Variants in RRM2 observed in about 807,000 individuals in gnomAD.
RRM2 encodes ribonucleoside-diphosphate reductase subunit M2.
Under a neutral mutation model 45.9 loss-of-function variants are expected in RRM2, and 6 were observed. That is an observed-to-expected ratio of 0.13 (90% CI 0.07 to 0.26). RRM2 has a LOEUF of 0.26. RRM2 is among the 10% of genes least tolerant of loss of function. The pLI, the probability that RRM2 is intolerant of heterozygous loss-of-function variation, is 1.00. For synonymous variants in RRM2, 177 were observed against 173.0 expected, an observed-to-expected ratio of 1.02 and a Z score of -0.18; for missense variants, 343 against 489.5, an observed-to-expected ratio of 0.70 and a Z score of 2.82.
intron 3 of RRM2, among the ~76,000 whole-genome samples, chr2:10,198,335 G>A (rs1353593357): frequency 1.3e-5 from 2 of 151,918 alleles, no homozygotes; most frequent in African/African-American, 4.8e-5. Flanking sequence ...AATCCTGGGA[G>A]AAGCCCTAAG....
exon 4 of RRM2, chr2:10,210,602 C>G: frequency 7.3e-7 from 1 of 1,363,608 alleles, no homozygotes; most frequent in African/African-American, 1.5e-5. Flanking sequence ...CCATAGACAG[C>G]AGATCTGCTG....
At chr2:10,154,556 C>A (rs965726125) in intron 3 of RRM2, among the ~76,000 whole-genome samples, 1 of 150,568 alleles carries the variant, frequency 6.6e-6, no homozygotes, top group Non-Finnish European at 1.5e-5. Flanking sequence ...AATATCCTAA[C>A]AGTCACAAAG....
In RRM2 at chr2:10,204,242, G is replaced by A. The variant is rs765806422; in HGVS notation, n.483-6069G>A. On this transcript the variant is annotated intron_variant and non_coding_transcript_variant, in intron 3 of 3. Coordinates refer to the RRM2 transcript ENST00000381786. The surrounding 1 kb of genome is among the most constrained non-coding windows in gnomAD (Gnocchi z 4.0). ...CCCAACCTCCAGGGCAGACTGACCC[G>A]TGATGGGCATGGGAGCCCAGAAAAA... 2.0e-5 allele frequency among the ~76,000 whole-genome samples: 3 copies of A among 152,120 alleles called. No homozygotes were observed. Among genetic ancestry groups the A allele is most frequent in the African/African-American group, 4.8e-5 (2 of 41,434 alleles).
intron 3 of RRM2, among the ~76,000 whole-genome samples, chr2:10,148,143 C>CAAAAA (rs374826185): frequency 1.1e-3 from 137 of 119,570 alleles, no homozygotes; most frequent in East Asian, 2.4e-3. Context: ...GACCCTGACT[C>CAAAAA]AAAAAAAAAA....
intron 3 of RRM2, among the ~76,000 whole-genome samples, chr2:10,174,936 T>G (rs1437196588): frequency 6.6e-6 from 1 of 151,864 alleles, no homozygotes; most frequent in South Asian, 2.1e-4. Flanking sequence ...ACCTCCTCAT[T>G]TTACAGGAAA....
At position 10,172,295 on chromosome 2, in the gene RRM2, G is replaced by T. The variant is rs570868157; in HGVS notation, n.482+29920G>T. Among the ~76,000 whole-genome samples the T allele has an allele frequency of 6.6e-6, 1 of 152,144 alleles. No homozygotes were observed. The highest frequency in any genetic ancestry group is 1.5e-5 in the Non-Finnish European group (1 of 68,020). On this transcript the variant is annotated intron_variant and non_coding_transcript_variant, in intron 3 of 3. Transcript: ENST00000381786. This position sits in a 1 kb window ranked among gnomAD's most constrained non-coding sequence, Gnocchi z 4.9. ...GATGAAGGAGGCTGGGGCTGGCACC[G>T]TGGTGGTCCCTGGGCTGTGCCTGTT...
rs57435746 is a variant in RRM2 at position 10,209,616 on chromosome 2, CGTGT to C, written n.483-676_483-673del. Reference sequence around the variant, plus strand: ...GCGCGCGCGTGTGTGTGCGTGCATGCGTGTGTGTGTGTGTGTGTGTGTTGGGATC... The same window carrying C: ...GCGCGCGCGTGTGTGTGCGTGCATGCGTGTGTGTGTGTGTGTGTTGGGATC... On this transcript the variant is annotated intron_variant and non_coding_transcript_variant, in intron 3 of 3. Coordinates refer to the RRM2 transcript ENST00000381786. Among the ~76,000 whole-genome samples, 1,485 of 150,216 alleles carry C rather than the reference CGTGT, an allele frequency of 9.9e-3. 19 individuals are homozygous for C. Among genetic ancestry groups the C allele is most frequent in the African/African-American group, 0.029 (1,189 of 40,988 alleles).
intron 3 of RRM2, among the ~76,000 whole-genome samples, chr2:10,154,534 G>GGTTGCATGGTCAATATC (rs1356137800): frequency 6.6e-6 from 1 of 151,470 alleles, no homozygotes; most frequent in African/African-American, 2.4e-5. Context: ...GGCAGTATGA[G>GGTTGCATGGTCAATATC]GTTGCATGGT....
At chr2:10,154,691 C>CTTTTTTT (rs70948874) in intron 3 of RRM2, among the ~76,000 whole-genome samples, 12 of 95,748 alleles carry the variant, frequency 1.3e-4, no homozygotes, top group African/African-American at 1.7e-4. Flanking sequence ...AGTCCTGATT[C>CTTTTTTT]TTTTTTTTTT....
chr2:10,188,939 G>A (rs537456693), intron 3 of RRM2, among the ~76,000 whole-genome samples: 14 of 152,248 alleles, frequency 9.2e-5, no homozygotes, highest in African/African-American at 2.2e-4. Flanking sequence ...GGGAGGCGCC[G>A]GCGCCCCATG....
rs576421692 is a variant in RRM2, at chr2:10,122,761, T to C, written c.-38T>C. Reference sequence around the variant, plus strand: ...CCCGTGCACCCTGTCCCAGCCGTCCTGTCCTGGCTGCTCGCTCTGCTTCGC... The same window carrying C: ...CCCGTGCACCCTGTCCCAGCCGTCCCGTCCTGGCTGCTCGCTCTGCTTCGC... On this transcript the variant is annotated 5_prime_UTR_variant, in exon 1 of 10. Transcript: ENST00000304567. 30 of 1,561,530 alleles carry C rather than the reference T, an allele frequency of 1.9e-5. No individual in the cohort carries two copies. Among genetic ancestry groups the C allele is most frequent in the Admixed American group, 7.7e-5 (4 of 51,708 alleles).
At chr2:10,148,569 C>G (rs1050639827) in intron 3 of RRM2, among the ~76,000 whole-genome samples, 3 of 152,208 alleles carry the variant, frequency 2.0e-5, no homozygotes, top group Non-Finnish European at 4.4e-5. Context: ...AAGTCTGAGT[C>G]TAACTTCTAT....
chr2:10,125,477 G>T (rs1430372813), intron 5 of RRM2, among the ~76,000 whole-genome samples: 4 of 152,120 alleles, frequency 2.6e-5, no homozygotes, highest in Non-Finnish European at 4.4e-5. Context: ...AGGCTGAAGC[G>T]GGCGGACAAT....
rs553025382 is a variant in RRM2 at position 10,209,348 on chromosome 2, G to A, written n.483-963G>A. Among the ~76,000 whole-genome samples, 7 of 152,056 alleles carry A rather than the reference G, an allele frequency of 4.6e-5. No homozygotes were observed. The South Asian group carries it at 1.0e-3, about 23-fold the overall frequency. Reference sequence around the variant, plus strand: ...GCTGGGATTACCCCTGTGAGCCACCGCACCCAGCCTGGAAAGTAGTTTCTA... The same window carrying A: ...GCTGGGATTACCCCTGTGAGCCACCACACCCAGCCTGGAAAGTAGTTTCTA... On this transcript the variant is annotated intron_variant and non_coding_transcript_variant, in intron 3 of 3. Coordinates refer to the RRM2 transcript ENST00000381786.
chr2:10,129,096 T>C lies in RRM2; in HGVS notation c.959T>C (p.Met320Thr), dbSNP rs751684143. The C allele has an allele frequency of 1.1e-5, 17 of 1,614,222 alleles. No individual in the cohort carries two copies. The East Asian group carries it at 3.8e-4, about 36-fold the overall frequency. The change falls in exon 9 of 10, where the codon ATG (methionine) becomes ACG (threonine). Residue 320 changes from methionine to threonine, a missense_variant. Met to Thr is a moderately conservative substitution (Grantham distance 81). Transcript: ENST00000304567. The surrounding 1 kb of genome is among the most constrained non-coding windows in gnomAD (Gnocchi z 4.8). ...VKLIGMNCTLMKQYIEFVADR... is the reference protein window; with the variant it reads ...VKLIGMNCTLTKQYIEFVADR... ...CTCATTGGGATGAATTGCACTCTAATGAAGCAATACATTGAGTTTGTGGCA... is the reference window on the plus strand; with the variant it reads ...CTCATTGGGATGAATTGCACTCTAACGAAGCAATACATTGAGTTTGTGGCA...
rs929381218 is a variant in RRM2, at chr2:10,171,989, C to T, written n.482+29614C>T. Among the ~76,000 whole-genome samples the T allele has an allele frequency of 2.6e-5, 4 of 152,078 alleles. No individual in the cohort carries two copies. The highest frequency in any genetic ancestry group is 7.2e-5 in the African/African-American group (3 of 41,410). On this transcript the variant is annotated intron_variant and non_coding_transcript_variant, in intron 3 of 3. Coordinates refer to the RRM2 transcript ENST00000381786. This position sits in a 1 kb window ranked among gnomAD's most constrained non-coding sequence, Gnocchi z 4.1. ...AGACGGTGCTGCTTGTTTAGAAAAC[C>T]GGGCAGAGGAGCCCTGCTAGTCCAG...
At chr2:10,191,183 G>A (rs919112253) in intron 3 of RRM2, among the ~76,000 whole-genome samples, 11 of 152,278 alleles carry the variant, frequency 7.2e-5, no homozygotes, top group South Asian at 2.1e-4. Flanking sequence ...AACACTGCTC[G>A]TGCCTGGAGC....
At chr2:10,164,390 C>T (rs557061602) in intron 3 of RRM2, among the ~76,000 whole-genome samples, 2 of 152,266 alleles carry the variant, frequency 1.3e-5, no homozygotes, top group South Asian at 4.1e-4. Flanking sequence ...ACTTGGAAGC[C>T]TCAGAACAAG....
chr2:10,157,142 C>A (rs908477301), intron 3 of RRM2, among the ~76,000 whole-genome samples: 1 of 151,426 alleles, frequency 6.6e-6, no homozygotes, highest in African/African-American at 2.4e-5. Context: ...CATTCTCCTG[C>A]CTCGGCCTCC....
Sources: allele counts gnomAD v4.1 joint callset (sites outside exome capture counted in the v4.1 genomes callset), GRCh38; gene constraint gnomAD v4.1.1; non-coding constraint Gnocchi (gnomAD v3.1); transcripts MANE v1.5; gene names NCBI Gene and HGNC (gene_info 2026-07-23, HGNC 2026-07-21).